Variants in LRP1B observed in about 807,000 individuals in gnomAD.
LRP1B encodes the protein low-density lipoprotein receptor-related protein 1B.
A neutral mutation model predicts 556.6 loss-of-function variants in LRP1B; 217 were observed. The ratio of observed to expected loss-of-function variants is 0.39; its 90% CI spans 0.35 to 0.44. The LOEUF is 0.44. LRP1B is among the 20% of genes least tolerant of loss of function. LRP1B has a pLI of 1.00. For missense variants in LRP1B, 5,053 were observed against 5,620.8 expected, an observed-to-expected ratio of 0.90 and a Z score of 3.23; for synonymous variants, 2,047 against 1,865.8, an observed-to-expected ratio of 1.10 and a Z score of -2.50.
intron 2 of LRP1B, among the ~76,000 whole-genome samples, chr2:141,630,614 G>A (rs1399888726): frequency 1.3e-5 from 2 of 152,152 alleles, no homozygotes; most frequent in African/African-American, 4.8e-5. Context: ...AAAAAGTCAC[G>A]ACAGATGGTC....
At chr2:141,575,178 G>A (rs544487673) in intron 2 of LRP1B, among the ~76,000 whole-genome samples, 2 of 152,204 alleles carry the variant, frequency 1.3e-5, no homozygotes, top group Admixed American at 6.5e-5. Context: ...AAAGAACAAA[G>A]TTGGAAGCAT....
At chr2:140,689,590 C>A (rs756291720) in intron 41 of LRP1B, among the ~76,000 whole-genome samples, 1 of 152,196 alleles carries the variant, frequency 6.6e-6, no homozygotes, top group Non-Finnish European at 1.5e-5. Context: ...GCCTCCTTCA[C>A]CTATACAGAG....
At chr2:140,326,785 T>C (rs1680507858) in intron 79 of LRP1B, among the ~76,000 whole-genome samples, 2 of 152,002 alleles carry the variant, frequency 1.3e-5, no homozygotes, top group East Asian at 1.9e-4. Flanking sequence ...TCTCTGAGAG[T>C]GCTTGTCTTC....
chr2:141,158,963 A>G (rs1702134073), intron 7 of LRP1B, among the ~76,000 whole-genome samples: 1 of 151,992 alleles, frequency 6.6e-6, no homozygotes, highest in Admixed American at 6.6e-5. Context: ...GCCAGTTTTC[A>G]CTCCATGTTC....
intron 2 of LRP1B, among the ~76,000 whole-genome samples, chr2:141,488,906 C>T (rs1390165467): frequency 6.6e-6 from 1 of 151,750 alleles, no homozygotes; most frequent in African/African-American, 2.4e-5. Context: ...CTAAGTTATA[C>T]ATGAAGATTT....
chr2:141,190,255 C>T lies in LRP1B; in HGVS notation c.851-1672G>A, dbSNP rs571920668. On this transcript the variant is annotated intron_variant, in intron 6 of 90. Transcript: ENST00000389484. The stretch of plus-strand genomic sequence containing the variant: ...TGGAGTCGTATACTCTGTGGAACCC[C>T]AGTGAGTATGCATGTAATAAATTGG... Among the ~76,000 whole-genome samples the T allele has an allele frequency of 1.7e-4, 26 of 152,082 alleles. No homozygotes were observed. The South Asian group carries it at 5.4e-3, about 32-fold the overall frequency.
In LRP1B at chr2:141,000,142, C is replaced by T. The variant is rs141080742; in HGVS notation, c.2503+5193G>A. Reference sequence around the variant, plus strand: ...CTATGTTCCCCAAGCTGGTCTTGAACGCCTGGATTCAAGCAATCTTCCCAC... The same window carrying T: ...CTATGTTCCCCAAGCTGGTCTTGAATGCCTGGATTCAAGCAATCTTCCCAC... On this transcript the variant is annotated intron_variant, in intron 15 of 90. Coordinates refer to ENST00000389484, the MANE Select transcript of LRP1B (RefSeq NM_018557.3). Among the ~76,000 whole-genome samples, 35 of 151,724 alleles carry T rather than the reference C, an allele frequency of 2.3e-4. No individual in the cohort carries two copies. In the East Asian group the frequency reaches 3.9e-3, roughly 17 times the overall value.
At chr2:140,771,746 C>T (rs1689320080) in intron 33 of LRP1B, among the ~76,000 whole-genome samples, 1 of 152,030 alleles carries the variant, frequency 6.6e-6, no homozygotes, top group Non-Finnish European at 1.5e-5. Context: ...ACAATCTTAC[C>T]CAGAAAGTTC....
In LRP1B at chr2:140,855,898, A is replaced by AT. The variant is rs1008310565; in HGVS notation, c.4580-4116dup. ...AAACACAAAATTTTTACTCCAAAGC[A>AT]TTTTTTTATTTCATTTTCACTGCCA... On this transcript the variant is annotated intron_variant, in intron 27 of 90. Coordinates refer to ENST00000389484, the MANE Select transcript of LRP1B (RefSeq NM_018557.3). 2.6e-5 allele frequency among the ~76,000 whole-genome samples: 4 copies of AT among 152,056 alleles called. No individual in the cohort carries two copies. The South Asian group carries it at 6.2e-4, about 24-fold the overall frequency.
chr2:140,597,464 C>T (rs372635625), intron 43 of LRP1B, among the ~76,000 whole-genome samples: 3 of 152,140 alleles, frequency 2.0e-5, no homozygotes, highest in Non-Finnish European at 2.9e-5. Context: ...AATGTTTTAC[C>T]TGTCTTTTCA....
chr2:142,054,871 A>G (rs138127965), intron 1 of LRP1B, among the ~76,000 whole-genome samples: 1,663 of 152,242 alleles, frequency 0.011, 19 homozygotes, highest in African/African-American at 0.031. Flanking sequence ...ATGAATTTTA[A>G]GCTCAACTTC....
intron 77 of LRP1B, among the ~76,000 whole-genome samples, chr2:140,350,399 T>C (rs1340935498): frequency 1.3e-5 from 2 of 152,034 alleles, no homozygotes; most frequent in East Asian, 1.9e-4. Context: ...TTTATGATAA[T>C]GTAAGAAGAG....
intron 43 of LRP1B, among the ~76,000 whole-genome samples, chr2:140,578,425 A>G (rs1279213410): frequency 2.0e-5 from 3 of 152,206 alleles, no homozygotes; most frequent in African/African-American, 7.2e-5. Flanking sequence ...AGTATTGAAT[A>G]AGAAAATAAA....
chr2:140,721,820 T>G (rs1476321962), intron 35 of LRP1B, among the ~76,000 whole-genome samples: 2 of 151,284 alleles, frequency 1.3e-5, no homozygotes, highest in African/African-American at 4.9e-5. Flanking sequence ...GCTTTTGACA[T>G]ACCGCAGGAG....
At position 141,316,036 on chromosome 2, in the gene LRP1B, T is replaced by C. The variant is rs182589606; in HGVS notation, c.344-61395A>G. 8.2e-4 allele frequency among the ~76,000 whole-genome samples: 125 copies of C among 152,064 alleles called. 1 individual carries two copies. The highest frequency in any genetic ancestry group is 1.7e-3 in the South Asian group (8 of 4,818). ...GGCTCAATGTAACAAATTCTAAACG[T>C]ATTCTACCATTTTTGTTTCTTTTCA... On this transcript the variant is annotated intron_variant, in intron 3 of 90. Coordinates refer to ENST00000389484, the MANE Select transcript of LRP1B (RefSeq NM_018557.3).
intron 27 of LRP1B, among the ~76,000 whole-genome samples, chr2:140,866,146 CCAAA>C (rs1368089878): frequency 6.6e-6 from 1 of 151,986 alleles, no homozygotes; most frequent in African/African-American, 2.4e-5. Context: ...CTACAAAATG[CCAAA>C]CAATCTGAGG....
At chr2:140,411,930 T>G (rs182624359) in intron 66 of LRP1B, among the ~76,000 whole-genome samples, 3 of 152,094 alleles carry the variant, frequency 2.0e-5, no homozygotes, top group African/African-American at 7.2e-5. Context: ...TCAAGAAACT[T>G]CTCAGGTATC....
chr2:141,809,866 G>T (rs923297126), intron 2 of LRP1B, among the ~76,000 whole-genome samples: 1 of 151,932 alleles, frequency 6.6e-6, no homozygotes, highest in Non-Finnish European at 1.5e-5. Context: ...CAAAATGTGT[G>T]AGATAATTTA....
At chr2:140,390,799 C>CACACACAA (rs1683982081) in intron 66 of LRP1B, among the ~76,000 whole-genome samples, 1 of 150,680 alleles carries the variant, frequency 6.6e-6, no homozygotes, top group African/African-American at 2.5e-5. Flanking sequence ...CACACACACA[C>CACACACAA]ACACACAACA....
Sources: allele counts gnomAD v4.1 joint callset (sites outside exome capture counted in the v4.1 genomes callset), GRCh38; gene constraint gnomAD v4.1.1; transcripts MANE v1.5; gene names NCBI Gene and HGNC (gene_info 2026-07-23, HGNC 2026-07-21).